Variants in PLXDC2 observed in about 807,000 individuals in gnomAD.
The protein encoded by PLXDC2 is plexin domain-containing protein 2.
In PLXDC2, 40 loss-of-function variants were observed where a neutral mutation model predicts 68.9. That is an observed-to-expected ratio of 0.58 (90% CI 0.45 to 0.76). PLXDC2 has a LOEUF of 0.76. PLXDC2 is among the 30% of genes least tolerant of loss of function. The pLI, the probability that PLXDC2 is intolerant of heterozygous loss-of-function variation, is 0.00. For missense variants in PLXDC2, 644 were observed against 661.9 expected, an observed-to-expected ratio of 0.97 and a Z score of 0.30; for synonymous variants, 243 against 234.2, an observed-to-expected ratio of 1.04 and a Z score of -0.34.
intron 9 of PLXDC2, among the ~76,000 whole-genome samples, chr10:20,183,044 A>G (rs1337737144): frequency 1.3e-5 from 2 of 152,032 alleles, no homozygotes; most frequent in East Asian, 1.9e-4. Flanking sequence ...TGTTTCAGCA[A>G]CTTGGTGGAT....
chr10:20,183,451 A>G (rs1834634406), intron 9 of PLXDC2, among the ~76,000 whole-genome samples: 1 of 151,986 alleles, frequency 6.6e-6, no homozygotes, highest in African/African-American at 2.4e-5. Context: ...CTCTGAAAAG[A>G]TGTGAGAAAC....
At chr10:19,844,220 G>T (rs1455559534) in intron 1 of PLXDC2, among the ~76,000 whole-genome samples, 1 of 152,170 alleles carries the variant, frequency 6.6e-6, no homozygotes. Context: ...AGTATGATTT[G>T]TTGAAAAATT....
At chr10:20,155,902 CAG>C in intron 6 of PLXDC2, among the ~76,000 whole-genome samples, 1 of 152,162 alleles carries the variant, frequency 6.6e-6, no homozygotes, top group East Asian at 1.9e-4. Flanking sequence ...CTTTTTAAGA[CAG>C]AGTCTCATTC....
chr10:20,261,808 C>A (rs1411790711), intron 13 of PLXDC2, among the ~76,000 whole-genome samples: 1 of 152,060 alleles, frequency 6.6e-6, no homozygotes, highest in Non-Finnish European at 1.5e-5. Context: ...GAGCCAAGAT[C>A]GTGCCATTGT....
chr10:20,150,473 GT>G (rs1225604892), intron 6 of PLXDC2, among the ~76,000 whole-genome samples: 1 of 152,110 alleles, frequency 6.6e-6, no homozygotes, highest in Admixed American at 6.5e-5. Flanking sequence ...TCAGGGCTGT[GT>G]TTTTATATCA....
At chr10:19,845,862 C>T (rs181750817) in intron 1 of PLXDC2, among the ~76,000 whole-genome samples, 2 of 152,168 alleles carry the variant, frequency 1.3e-5, no homozygotes, top group East Asian at 1.9e-4. Context: ...CCAGGTGTTA[C>T]CATAGTAATG....
intron 4 of PLXDC2, among the ~76,000 whole-genome samples, chr10:20,116,848 T>G (rs1394712627): frequency 6.6e-6 from 1 of 152,212 alleles, no homozygotes; most frequent in Non-Finnish European, 1.5e-5. Flanking sequence ...GTATTTTGCT[T>G]ATTGCCTAAT....
chr10:19,823,065 G>A (rs1020562845), intron 1 of PLXDC2, among the ~76,000 whole-genome samples: 3 of 151,824 alleles, frequency 2.0e-5, no homozygotes, highest in South Asian at 2.1e-4. Flanking sequence ...ACAGGCACCC[G>A]CCACCACGCC....
At chr10:19,984,033 A>T (rs1834596016) in intron 1 of PLXDC2, among the ~76,000 whole-genome samples, 1 of 152,240 alleles carries the variant, frequency 6.6e-6, no homozygotes, top group African/African-American at 2.4e-5. Flanking sequence ...GCGGTTTTCC[A>T]TATGATGACA....
At chr10:20,055,237 A>T (rs949119995) in intron 3 of PLXDC2, among the ~76,000 whole-genome samples, 15 of 152,234 alleles carry the variant, frequency 9.9e-5, no homozygotes, top group African/African-American at 7.2e-5. Context: ...AGAAAATTTC[A>T]TTTAAAAAAT....
rs1836148523 is a variant in PLXDC2 at position 20,285,973 on chromosome 10, T to G, written c.*6154T>G. On this transcript the variant is annotated 3_prime_UTR_variant, in exon 14 of 14. Coordinates refer to ENST00000377252, the MANE Select transcript of PLXDC2 (RefSeq NM_032812.9). ...AATTGTAATACATCTGCCTAATTAT[T>G]GTCTGGAATAACTTTTCAACCATCC... is the stretch of plus-strand genomic sequence containing the variant. 1 of 152,220 alleles carries G rather than the reference T, an allele frequency of 6.6e-6. No homozygotes were observed. The highest frequency in any genetic ancestry group is 2.4e-5 in the African/African-American group (1 of 41,452). 9.4% of individuals were successfully genotyped at this position (152,220 alleles called of 1,614,324 possible). A position where few individuals can be genotyped will look rare whatever the true frequency, so the allele number is the denominator to read the frequency against.
chr10:19,828,168 C>T (rs1050470031), intron 1 of PLXDC2, among the ~76,000 whole-genome samples: 3 of 152,188 alleles, frequency 2.0e-5, no homozygotes, highest in Non-Finnish European at 1.5e-5. Context: ...GGACCAGCAA[C>T]GCTCCAATCA....
intron 2 of PLXDC2, among the ~76,000 whole-genome samples, chr10:20,043,021 C>A (rs1835711380): frequency 6.6e-6 from 1 of 152,074 alleles, no homozygotes; most frequent in Non-Finnish European, 1.5e-5. Context: ...AAATGAAAAT[C>A]TTTGTACTCA....
intron 4 of PLXDC2, among the ~76,000 whole-genome samples, chr10:20,076,547 T>C (rs1288249320): frequency 6.8e-6 from 1 of 147,346 alleles, no homozygotes; most frequent in African/African-American, 2.7e-5. Context: ...TAATACTGCA[T>C]TTTTCCCCCA....
chr10:20,225,787 C>T (rs1588528862), intron 12 of PLXDC2, among the ~76,000 whole-genome samples: 1 of 151,572 alleles, frequency 6.6e-6, no homozygotes. Flanking sequence ...TAAATATTAG[C>T]CTCTAGGGCT....
intron 7 of PLXDC2, among the ~76,000 whole-genome samples, chr10:20,165,406 C>T (rs576083462): frequency 1.3e-5 from 2 of 152,200 alleles, no homozygotes; most frequent in South Asian, 2.1e-4. Context: ...TTAGGTATAT[C>T]TCCCAATGCT....
rs576511298 is a variant in PLXDC2 at position 20,098,295 on chromosome 10, A to G, written c.541+30056A>G. On this transcript the variant is annotated intron_variant, in intron 4 of 13. Transcript: ENST00000377252. The stretch of plus-strand genomic sequence containing the variant: ...CTTCACTTGTGACCACATCACTCCA[A>G]TCCTCAAGACCTGTATCTTCTCTCT... 2.7e-4 allele frequency among the ~76,000 whole-genome samples: 41 copies of G among 150,226 alleles called. 1 individual carries two copies. In the South Asian group the frequency reaches 6.8e-3, roughly 25 times the overall value.
chr10:19,908,104 A>G (rs1390659679), intron 1 of PLXDC2, among the ~76,000 whole-genome samples: 1 of 152,214 alleles, frequency 6.6e-6, no homozygotes, highest in Non-Finnish European at 1.5e-5. Context: ...AAATATATAT[A>G]TGTAAAAAAG....
intron 1 of PLXDC2, among the ~76,000 whole-genome samples, chr10:19,901,784 C>T (rs186853422): frequency 6.6e-6 from 1 of 152,160 alleles, no homozygotes; most frequent in Non-Finnish European, 1.5e-5. Flanking sequence ...TCGATGTTAT[C>T]ATCTAGAATT....
Sources: gnomAD v4.1 joint callset for allele counts (sites outside exome capture counted in the v4.1 genomes callset) on GRCh38, gnomAD v4.1.1 for gene constraint, MANE v1.5 for transcripts, NCBI Gene and HGNC (gene_info 2026-07-23, HGNC 2026-07-21) for gene names.